RPH3A: variants seen among roughly 807,000 people sequenced by gnomAD.
RPH3A encodes the protein rabphilin 3A.
RPH3A carries 48 observed loss-of-function variants against 102.2 expected under a neutral mutation model. That is an observed-to-expected ratio of 0.47 (90% CI 0.37 to 0.60). The LOEUF (loss-of-function observed/expected upper bound fraction) is 0.60. RPH3A is among the 20% of genes least tolerant of loss of function. The pLI is 0.00. For missense variants in RPH3A, 781 were observed against 910.1 expected (o/e 0.86, Z 1.83); for synonymous variants, 310 against 324.3 (o/e 0.96, Z 0.47).
At chr12:112,824,955 A>G (rs2041842201) in intron 2 of RPH3A, among the ~76,000 whole-genome samples, 1 of 151,956 alleles carries the variant, frequency 6.6e-6, no homozygotes, top group African/African-American at 2.4e-5. Flanking sequence ...CAGGATCTCC[A>G]AGGCCAGTGT....
At chr12:112,707,306 C>T (rs962512207) in intron 1 of RPH3A, among the ~76,000 whole-genome samples, 18 of 152,188 alleles carry the variant, frequency 1.2e-4, no homozygotes, top group East Asian at 3.8e-4. Flanking sequence ...TTCTCCTCCT[C>T]GACCATCACC....
intron 1 of RPH3A, among the ~76,000 whole-genome samples, chr12:112,582,917 T>C (rs2039410530): frequency 6.6e-6 from 1 of 152,238 alleles, no homozygotes; most frequent in African/African-American, 2.4e-5. Flanking sequence ...ATCTTTTTAT[T>C]TTCCTTGAGT....
chr12:112,583,449 C>T (rs1297803529), intron 1 of RPH3A, among the ~76,000 whole-genome samples: 4 of 152,038 alleles, frequency 2.6e-5, no homozygotes, highest in African/African-American at 9.7e-5. Flanking sequence ...GTATTCCTCT[C>T]CTTGCCCCCA....
chr12:112,828,738 C>T (rs750489400), intron 3 of RPH3A, among the ~76,000 whole-genome samples: 25 of 152,160 alleles, frequency 1.6e-4, no homozygotes, highest in Non-Finnish European at 3.1e-4. Flanking sequence ...GTTACCTCAT[C>T]GGTCAAATAA....
chr12:112,887,965 A>C (rs751352576), intron 17 of RPH3A, 42 bp downstream of exon 17: 27 of 1,604,108 alleles, frequency 1.7e-5, no homozygotes, highest in Middle Eastern at 3.3e-4. Flanking sequence ...AGGAGGGGAG[A>C]TTGGGGGAGC....
intron 2 of RPH3A, among the ~76,000 whole-genome samples, chr12:112,823,404 G>A (rs1593045409): frequency 1.3e-5 from 2 of 152,320 alleles, no homozygotes; most frequent in East Asian, 1.9e-4. Context: ...CTACCTTGGA[G>A]TAGGATTGTA....
At chr12:112,863,996 C>T (rs1416090971) in intron 5 of RPH3A, among the ~76,000 whole-genome samples, 1 of 152,170 alleles carries the variant, frequency 6.6e-6, no homozygotes, top group Non-Finnish European at 1.5e-5. Flanking sequence ...AACTCATAGC[C>T]CAGCAACAAA....
chr12:112,889,276 G>A (rs143265075), intron 17 of RPH3A, among the ~76,000 whole-genome samples: 156 of 152,284 alleles, frequency 1.0e-3, no homozygotes, highest in African/African-American at 3.2e-3. Flanking sequence ...CTCCAACTCC[G>A]TGAGTCCAGT....
At chr12:112,829,738 A>G (rs571878148) in intron 3 of RPH3A, among the ~76,000 whole-genome samples, 1 of 152,364 alleles carries the variant, frequency 6.6e-6, no homozygotes, top group Non-Finnish European at 1.5e-5. Context: ...TTTAACAAGA[A>G]CTTTTTAAAT....
chr12:112,762,454 T>A (rs2040860091), intron 1 of RPH3A, among the ~76,000 whole-genome samples: 1 of 152,174 alleles, frequency 6.6e-6, no homozygotes, highest in Non-Finnish European at 1.5e-5. Flanking sequence ...GTTCCCTGAA[T>A]ACACCACCCT....
At chr12:112,624,479 A>C (rs1218938334) in intron 1 of RPH3A, among the ~76,000 whole-genome samples, 4 of 149,024 alleles carry the variant, frequency 2.7e-5, no homozygotes, top group Non-Finnish European at 6.0e-5. Context: ...ATTCCTCAAC[A>C]CATACACTCT....
chr12:112,763,209 G>C (rs2040866311), intron 1 of RPH3A, among the ~76,000 whole-genome samples: 2 of 152,244 alleles, frequency 1.3e-5, no homozygotes. Flanking sequence ...ATCTAGCACA[G>C]TGCCTAGGAC....
chr12:112,730,355 G>A (rs191727015), intron 1 of RPH3A, among the ~76,000 whole-genome samples: 76 of 152,364 alleles, frequency 5.0e-4, no homozygotes, highest in Non-Finnish European at 9.0e-4. Context: ...GTCTCCAGCT[G>A]TTAGCCCCAT....
intron 1 of RPH3A, among the ~76,000 whole-genome samples, chr12:112,730,168 C>G (rs1177178244): frequency 6.6e-6 from 1 of 152,206 alleles, no homozygotes; most frequent in Non-Finnish European, 1.5e-5. Context: ...CTGGCCGACA[C>G]CTTGGTCTTG....
intron 2 of RPH3A, among the ~76,000 whole-genome samples, chr12:112,806,028 C>T (rs963253951): frequency 2.6e-5 from 4 of 152,306 alleles, no homozygotes; most frequent in East Asian, 3.9e-4. Context: ...TTGTATTGTA[C>T]TCACATACTT....
chr12:112,746,352 A>G (rs2040745814), intron 1 of RPH3A, among the ~76,000 whole-genome samples: 1 of 152,128 alleles, frequency 6.6e-6, no homozygotes, highest in African/African-American at 2.4e-5. Flanking sequence ...TCATGTGACA[A>G]ATGAAGAAGC....
At chr12:112,613,319 T>G (rs2039653224) in intron 1 of RPH3A, among the ~76,000 whole-genome samples, 1 of 151,940 alleles carries the variant, frequency 6.6e-6, no homozygotes, top group South Asian at 2.1e-4. Context: ...GTTGCCTTCC[T>G]GGAAAGGAGG....
intron 2 of RPH3A, among the ~76,000 whole-genome samples, chr12:112,825,571 C>T (rs995755209): frequency 8.6e-5 from 13 of 152,030 alleles, no homozygotes; most frequent in African/African-American, 2.4e-4. Flanking sequence ...GGGGTGGGGT[C>T]GGGGGCAGGT....
chr12:112,835,232 C>G (rs1441174554), intron 3 of RPH3A, among the ~76,000 whole-genome samples: 1 of 152,194 alleles, frequency 6.6e-6, no homozygotes, highest in Non-Finnish European at 1.5e-5. Context: ...TAGGAAATTG[C>G]TAGTTTCCAA....
Sources: allele counts gnomAD v4.1 joint callset (sites outside exome capture counted in the v4.1 genomes callset), GRCh38; gene constraint gnomAD v4.1.1; transcripts MANE v1.5; gene names NCBI Gene and HGNC (gene_info 2026-07-23, HGNC 2026-07-21).